The following SBF2 variants were observed in gnomAD, a reference collection of about 807,000 sequenced individuals.
SBF2 encodes myotubularin-related protein 13.
A neutral mutation model predicts 225.2 loss-of-function variants in SBF2; 112 were observed. The ratio of observed to expected loss-of-function variants is 0.50; its 90% confidence interval spans 0.43 to 0.58. The LOEUF is 0.58. Ranked by LOEUF, SBF2 falls within the 20% of genes least tolerant of loss-of-function variation. The pLI, the probability that SBF2 is intolerant of heterozygous loss-of-function variation, is 0.00. For synonymous variants in SBF2, 763 were observed against 773.3 expected, an observed-to-expected ratio of 0.99 and a Z score of 0.22; for missense variants, 1,996 against 2,206.2, an observed-to-expected ratio of 0.90 and a Z score of 1.91.
At chr11:10,280,755 C>T (rs1963350936) in intron 1 of SBF2, among the ~76,000 whole-genome samples, 1 of 148,224 alleles carries the variant, frequency 6.7e-6, no homozygotes, top group Admixed American at 7.0e-5. Context: ...TGGTGTACTG[C>T]AGTATGGGCA....
chr11:10,049,805 A>G (rs1371522962), intron 2 of SBF2, among the ~76,000 whole-genome samples: 1 of 152,170 alleles, frequency 6.6e-6, no homozygotes, highest in Admixed American at 6.5e-5. Flanking sequence ...GAACGGTATA[A>G]TCCTTGGTAG....
chr11:10,270,557 T>C (rs1962387568), intron 1 of SBF2, among the ~76,000 whole-genome samples: 1 of 152,148 alleles, frequency 6.6e-6, no homozygotes, highest in African/African-American at 2.4e-5. Flanking sequence ...GAAAAAAATG[T>C]GTATAAGTGG....
chr11:10,117,179 G>A (rs1487756110), intron 2 of SBF2, among the ~76,000 whole-genome samples: 5 of 152,114 alleles, frequency 3.3e-5, no homozygotes, highest in African/African-American at 9.7e-5. Flanking sequence ...GGTGGCTCAC[G>A]CCTGTAATCC....
chr11:10,156,091 C>T (rs1591085078), intron 2 of SBF2, among the ~76,000 whole-genome samples: 1 of 152,330 alleles, frequency 6.6e-6, no homozygotes, highest in East Asian at 1.9e-4. Flanking sequence ...CAGGAAGCCC[C>T]CCCTATCCCC....
intron 26 of SBF2, among the ~76,000 whole-genome samples, chr11:9,835,326 T>C (rs189336747): frequency 5.3e-5 from 8 of 152,160 alleles, no homozygotes; most frequent in Admixed American, 4.6e-4. Context: ...TCTTAAAGAT[T>C]ACCACTATCC....
chr11:10,229,319 A>T (rs1958722222), intron 1 of SBF2, among the ~76,000 whole-genome samples: 1 of 151,856 alleles, frequency 6.6e-6, no homozygotes, highest in Non-Finnish European at 1.5e-5. Flanking sequence ...TATTTCCTTC[A>T]GTTCTGCTCT....
At chr11:10,142,946 G>C (rs1381376491) in intron 2 of SBF2, among the ~76,000 whole-genome samples, 1 of 152,200 alleles carries the variant, frequency 6.6e-6, no homozygotes, top group East Asian at 1.9e-4. Flanking sequence ...GATAGCATAT[G>C]TAATTGACAC....
intron 27 of SBF2, among the ~76,000 whole-genome samples, chr11:9,830,608 C>T (rs1050501640): frequency 7.2e-4 from 109 of 151,672 alleles, no homozygotes; most frequent in Admixed American, 1.2e-3. Flanking sequence ...GGTGTAGTGG[C>T]GGGCGCCTGT....
chr11:9,931,613 C>T (rs1390898605), intron 16 of SBF2, among the ~76,000 whole-genome samples: 1 of 152,180 alleles, frequency 6.6e-6, no homozygotes, highest in African/African-American at 2.4e-5. Context: ...TACACCAAAA[C>T]CCCATCTGTA....
intron 28 of SBF2, among the ~76,000 whole-genome samples, chr11:9,827,618 TGA>T (rs1316768447): frequency 6.6e-6 from 1 of 152,116 alleles, no homozygotes; most frequent in Non-Finnish European, 1.5e-5. Flanking sequence ...ACAAAGTGGA[TGA>T]CCTTTTGGAG....
chr11:10,043,601 G>GA (rs1949740389), intron 2 of SBF2, among the ~76,000 whole-genome samples: 1 of 151,882 alleles, frequency 6.6e-6, no homozygotes, highest in African/African-American at 2.4e-5. Context: ...TTGAGATAGG[G>GA]TCTTGTTTCA....
intron 1 of SBF2, among the ~76,000 whole-genome samples, chr11:10,274,756 A>C (rs921326925): frequency 5.3e-5 from 8 of 151,812 alleles, no homozygotes; most frequent in Admixed American, 1.3e-4. Context: ...ATCTCAAAAA[A>C]AAAAAAAAAA....
chr11:10,070,105 T>C (rs1039912631), intron 2 of SBF2, among the ~76,000 whole-genome samples: 1 of 152,200 alleles, frequency 6.6e-6, no homozygotes, highest in Non-Finnish European at 1.5e-5. Context: ...ATTCTGTAGG[T>C]TGCCTGTTCA....
At chr11:10,104,375 T>C (rs933702580) in intron 2 of SBF2, among the ~76,000 whole-genome samples, 2 of 152,136 alleles carry the variant, frequency 1.3e-5, no homozygotes, top group Non-Finnish European at 2.9e-5. Context: ...TTTGAAACAA[T>C]GGTGGAAGGT....
chr11:10,077,449 C>T (rs978183392), intron 2 of SBF2, among the ~76,000 whole-genome samples: 5 of 152,136 alleles, frequency 3.3e-5, no homozygotes, highest in African/African-American at 1.2e-4. Context: ...TGGTACCAAA[C>T]CACATCTATA....
At chr11:9,800,703 G>C (rs10840307) in intron 32 of SBF2, among the ~76,000 whole-genome samples, 3 of 151,664 alleles carry the variant, frequency 2.0e-5, no homozygotes, top group African/African-American at 7.3e-5. Context: ...CACCGTGCCT[G>C]GCCAAAAAAA....
intron 21 of SBF2, 29 bp downstream of exon 21, chr11:9,852,647 T>C: frequency 2.6e-6 from 4 of 1,531,474 alleles, no homozygotes; most frequent in South Asian, 1.1e-5. Context: ...AGAGAGGCTA[T>C]ACCCTGAAAG....
In SBF2 at chr11:9,778,931, C is replaced by T. The variant is rs548644898; in HGVS notation, c.*1487G>A. ...AAGGTACAATGGGCTCCATATTTTA[C>T]AAAGTACAAAAAATTATTTCATATA... On this transcript the variant is annotated 3_prime_UTR_variant, in exon 40 of 40. Transcript: ENST00000256190. The T allele has an allele frequency of 6.6e-6, 1 of 152,550 alleles. No individual in the cohort carries two copies. Among genetic ancestry groups the T allele is most frequent in the East Asian group, 1.9e-4 (1 of 5,194 alleles). The allele number at this position is 152,550 out of a possible 1,614,324, so 9.4% of individuals were successfully genotyped here.
chr11:10,254,488 A>T (rs1960672593), intron 1 of SBF2, among the ~76,000 whole-genome samples: 1 of 152,132 alleles, frequency 6.6e-6, no homozygotes, highest in Non-Finnish European at 1.5e-5. Flanking sequence ...ATGTGCTCAC[A>T]TGTTCATTGC....
Sources: gnomAD v4.1 joint callset for allele counts (sites outside exome capture counted in the v4.1 genomes callset) on GRCh38, gnomAD v4.1.1 for gene constraint, MANE v1.5 for transcripts, NCBI Gene and HGNC (gene_info 2026-07-23, HGNC 2026-07-21) for gene names.